MAGI1: variants seen among roughly 807,000 people sequenced by gnomAD.
MAGI1 encodes membrane-associated guanylate kinase, WW and PDZ domain-containing protein 1.
A neutral mutation model predicts 139.9 loss-of-function variants in MAGI1; 58 were observed. The ratio of observed to expected loss-of-function variants is 0.41; its 90% CI spans 0.34 to 0.52. MAGI1 has a LOEUF of 0.52. Among genes scored for constraint, MAGI1 ranks in the 20% least tolerant of loss-of-function variants. MAGI1 has a pLI of 0.12. For missense variants in MAGI1, 1,874 were observed against 1,901.6 expected, an observed-to-expected ratio of 0.99 and a Z score of 0.27; for synonymous variants, 812 against 737.9, an observed-to-expected ratio of 1.10 and a Z score of -1.63.
chr3:65,448,359 A>G (rs1575783157), intron 6 of MAGI1: 1 of 501,882 alleles, frequency 2.0e-6, no homozygotes, highest in South Asian at 2.2e-5. Context: ...AATGTTCTTA[A>G]GTGGGAAGTC....
chr3:65,857,581 A>G (rs1167384450), intron 1 of MAGI1, among the ~76,000 whole-genome samples: 1 of 152,156 alleles, frequency 6.6e-6, no homozygotes, highest in Non-Finnish European at 1.5e-5. Flanking sequence ...CTTGGTAGAG[A>G]TATTTGCCAT....
intron 1 of MAGI1, among the ~76,000 whole-genome samples, chr3:65,881,453 C>T (rs1486520175): frequency 6.6e-6 from 1 of 151,900 alleles, no homozygotes; most frequent in African/African-American, 2.4e-5. Context: ...GTGGCAAGAC[C>T]CCATCTCTAA....
intron 2 of MAGI1, among the ~76,000 whole-genome samples, chr3:65,580,198 C>T (rs557960790): frequency 6.6e-6 from 1 of 152,204 alleles, no homozygotes; most frequent in Non-Finnish European, 1.5e-5. Context: ...ACAGAGATAA[C>T]AACTGTTAGC....
At chr3:65,611,350 A>G (rs2083093639) in intron 2 of MAGI1, among the ~76,000 whole-genome samples, 1 of 143,528 alleles carries the variant, frequency 7.0e-6, no homozygotes, top group Admixed American at 7.2e-5. Flanking sequence ...TACTATATAG[A>G]GTATACTATA....
At chr3:65,735,324 G>A (rs2034620332) in intron 1 of MAGI1, among the ~76,000 whole-genome samples, 1 of 149,350 alleles carries the variant, frequency 6.7e-6, no homozygotes, top group Admixed American at 6.6e-5. Context: ...TTTTAAAAGT[G>A]GATAAAGCCT....
At chr3:65,795,726 C>CACACACACACACACA (rs1553708462) in intron 1 of MAGI1, among the ~76,000 whole-genome samples, 1 of 149,040 alleles carries the variant, frequency 6.7e-6, no homozygotes, top group Non-Finnish European at 1.5e-5. Context: ...CACACACACA[C>CACACACACACACACA]GGAGAGAGAG....
intron 13 of MAGI1, among the ~76,000 whole-genome samples, chr3:65,398,684 G>A (rs1944605969): frequency 6.6e-6 from 1 of 152,134 alleles, no homozygotes; most frequent in African/African-American, 2.4e-5. Flanking sequence ...GGATGATTAA[G>A]TTGGGCCACA....
intron 1 of MAGI1, among the ~76,000 whole-genome samples, chr3:65,795,630 G>T (rs938032537): frequency 6.7e-6 from 1 of 149,974 alleles, no homozygotes; most frequent in Non-Finnish European, 1.5e-5. Flanking sequence ...AGAATAAGAA[G>T]TTTAACTTAA....
chr3:65,392,235 G>A (rs554774395), intron 13 of MAGI1, among the ~76,000 whole-genome samples: 49 of 152,284 alleles, frequency 3.2e-4, no homozygotes, highest in Admixed American at 1.1e-3. Context: ...CTGTTAGAAT[G>A]GGGAATGAAT....
At chr3:65,527,948 TAAG>T (rs1232339440) in intron 2 of MAGI1, among the ~76,000 whole-genome samples, 1 of 151,564 alleles carries the variant, frequency 6.6e-6, no homozygotes, top group Non-Finnish European at 1.5e-5. Flanking sequence ...AGAGAGATCA[TAAG>T]AAGTACCAAT....
chr3:65,973,578 C>CAT (rs1560070445), intron 1 of MAGI1, among the ~76,000 whole-genome samples: 1 of 152,200 alleles, frequency 6.6e-6, no homozygotes, highest in Admixed American at 6.5e-5. Flanking sequence ...GCCATATAAA[C>CAT]ATATGCACAA....
chr3:65,786,761 G>A (rs13325917), intron 1 of MAGI1, among the ~76,000 whole-genome samples: 32,489 of 151,730 alleles, frequency 0.21, 3,950 homozygotes, highest in Non-Finnish European at 0.29. Context: ...ACAGGCGCCC[G>A]CCACCACGCC....
intron 5 of MAGI1, among the ~76,000 whole-genome samples, chr3:65,466,215 AAC>A (rs1167587220): frequency 6.6e-6 from 1 of 152,164 alleles, no homozygotes; most frequent in Non-Finnish European, 1.5e-5. Context: ...AGGTAATTCT[AAC>A]AGTGCTGTTA....
At chr3:65,546,448 C>G (rs942742001) in intron 2 of MAGI1, among the ~76,000 whole-genome samples, 8 of 152,126 alleles carry the variant, frequency 5.3e-5, no homozygotes, top group Non-Finnish European at 1.2e-4. Flanking sequence ...AAATATTGGG[C>G]TTGCAGCACC....
At chr3:65,906,905 A>G (rs2061458162) in intron 1 of MAGI1, among the ~76,000 whole-genome samples, 5 of 151,518 alleles carry the variant, frequency 3.3e-5, no homozygotes, top group Admixed American at 3.3e-4. Flanking sequence ...AAAAAAATCT[A>G]CAGACATCCT....
At chr3:65,891,213 C>A (rs1298219264) in intron 1 of MAGI1, among the ~76,000 whole-genome samples, 140 of 113,552 alleles carry the variant, frequency 1.2e-3, no homozygotes, top group African/African-American at 5.3e-3. Context: ...GAAAAACACA[C>A]ACAAAAAAAA....
chr3:65,795,061 A>G (rs1489426346), intron 1 of MAGI1, among the ~76,000 whole-genome samples: 4 of 152,196 alleles, frequency 2.6e-5, no homozygotes, highest in Admixed American at 2.6e-4. Context: ...AGCAAACACT[A>G]GTGAGGTCAC....
chr3:65,730,689 A>G (rs2034094709), intron 1 of MAGI1, among the ~76,000 whole-genome samples: 1 of 152,220 alleles, frequency 6.6e-6, no homozygotes, highest in Non-Finnish European at 1.5e-5. Flanking sequence ...GAACAGGGAG[A>G]GATGCTACTG....
At chr3:65,693,731 G>A (rs1379515956) in intron 1 of MAGI1, among the ~76,000 whole-genome samples, 2 of 151,578 alleles carry the variant, frequency 1.3e-5, no homozygotes, top group African/African-American at 4.9e-5. Context: ...TGTTGTTGTT[G>A]TTTTGTTTTG....
Sources: allele counts gnomAD v4.1 joint callset (sites outside exome capture counted in the v4.1 genomes callset), GRCh38; gene constraint gnomAD v4.1.1; transcripts MANE v1.5; gene names NCBI Gene and HGNC (gene_info 2026-07-23, HGNC 2026-07-21).